Variants in CELF4 observed in about 807,000 individuals in gnomAD.
CELF4 encodes CUGBP Elav-like family member 4.
In CELF4, 18 loss-of-function variants were observed where a neutral mutation model predicts 59.9. The ratio of observed to expected loss-of-function variants is 0.30; its 90% CI spans 0.21 to 0.45. The LOEUF (loss-of-function observed/expected upper bound fraction) is 0.45, where lower values mean the gene tolerates loss of function less well. Among genes scored for constraint, CELF4 ranks in the 20% least tolerant of loss-of-function variants. The pLI, the probability that CELF4 is intolerant of heterozygous loss-of-function variation, is 1.00. For synonymous variants in CELF4, 261 were observed against 267.1 expected (o/e 0.98, Z 0.22); for missense variants, 456 against 689.0 (o/e 0.66, Z 3.79).
At chr18:37,264,175 C>T (rs1472174238) in intron 10 of CELF4, among the ~76,000 whole-genome samples, 1 of 152,250 alleles carries the variant, frequency 6.6e-6, no homozygotes, top group Non-Finnish European at 1.5e-5. Flanking sequence ...GCCTCTGTCT[C>T]CTCTGGAAGA....
intron 2 of CELF4, among the ~76,000 whole-genome samples, chr18:37,362,745 T>A (rs2098725466): frequency 6.6e-6 from 1 of 152,146 alleles, no homozygotes; most frequent in Non-Finnish European, 1.5e-5. Context: ...TTTCTCTCCC[T>A]CTCTTGCCAG....
intron 2 of CELF4, among the ~76,000 whole-genome samples, chr18:37,436,348 CT>C (rs1174890355): frequency 1.3e-5 from 2 of 152,242 alleles, no homozygotes; most frequent in African/African-American, 4.8e-5. Context: ...TTCCTGAGGG[CT>C]TCCTGCCCGG....
At chr18:37,531,512 A>G (rs1218040029) in intron 1 of CELF4, among the ~76,000 whole-genome samples, 1 of 152,204 alleles carries the variant, frequency 6.6e-6, no homozygotes, top group East Asian at 1.9e-4. Context: ...TGGTTGCCGC[A>G]TGCCGATCTG....
intron 3 of CELF4, among the ~76,000 whole-genome samples, chr18:37,285,108 G>T (rs570068759): frequency 6.6e-6 from 1 of 152,208 alleles, no homozygotes; most frequent in Non-Finnish European, 1.5e-5. Context: ...AGTGGGTGGG[G>T]CACCCATAGC....
chr18:37,392,184 G>A (rs1490018590), intron 2 of CELF4, among the ~76,000 whole-genome samples: 1 of 152,234 alleles, frequency 6.6e-6, no homozygotes, highest in East Asian at 1.9e-4. Context: ...GAACAAGCTA[G>A]TTCTGGGGAA....
chr18:37,529,639 C>A (rs2099967448), intron 1 of CELF4, among the ~76,000 whole-genome samples: 2 of 152,206 alleles, frequency 1.3e-5, no homozygotes, highest in Admixed American at 6.5e-5. Context: ...TTTGGATTTG[C>A]TTTGCAAGCA....
intron 2 of CELF4, among the ~76,000 whole-genome samples, chr18:37,400,319 T>C: frequency 1.1e-5 from 1 of 91,754 alleles, no homozygotes; most frequent in African/African-American, 3.9e-5. Context: ...TATGTGTGTA[T>C]ATATGTATAT....
chr18:37,308,682 G>A (rs1025461463), intron 3 of CELF4, among the ~76,000 whole-genome samples: 1 of 152,236 alleles, frequency 6.6e-6, no homozygotes, highest in South Asian at 2.1e-4. Context: ...GGCCATTTAT[G>A]TGCAGGCCTC....
At chr18:37,441,943 C>T (rs1039278393) in intron 2 of CELF4, among the ~76,000 whole-genome samples, 2 of 151,642 alleles carry the variant, frequency 1.3e-5, no homozygotes, top group Non-Finnish European at 2.9e-5. Context: ...CGCAAAGACC[C>T]TAGATGACAC....
At chr18:37,541,877 G>A (rs2099978097) in intron 1 of CELF4, among the ~76,000 whole-genome samples, 1 of 152,082 alleles carries the variant, frequency 6.6e-6, no homozygotes, top group South Asian at 2.1e-4. Context: ...CCCCAGTCAT[G>A]CCTCATCCAT....
intron 3 of CELF4, among the ~76,000 whole-genome samples, chr18:37,292,090 A>G (rs573909287): frequency 6.6e-6 from 1 of 152,228 alleles, no homozygotes; most frequent in South Asian, 2.1e-4. Flanking sequence ...ACCACGTGCA[A>G]TTACAGCAAG....
At chr18:37,313,575 G>T (rs2096752903) in intron 3 of CELF4, among the ~76,000 whole-genome samples, 1 of 152,184 alleles carries the variant, frequency 6.6e-6, no homozygotes, top group Non-Finnish European at 1.5e-5. Flanking sequence ...GTGGCTAGGG[G>T]TCTCCCCAGC....
At chr18:37,518,193 T>C (rs2099953055) in intron 1 of CELF4, among the ~76,000 whole-genome samples, 1 of 152,210 alleles carries the variant, frequency 6.6e-6, no homozygotes, top group Admixed American at 6.5e-5. Context: ...CCTCCCTGGC[T>C]TCTCACTGCT....
intron 2 of CELF4, among the ~76,000 whole-genome samples, chr18:37,427,960 G>A (rs971936629): frequency 3.9e-5 from 6 of 152,186 alleles, no homozygotes; most frequent in African/African-American, 9.7e-5. Context: ...AAGTGTCTAC[G>A]GTGTGTGTAT....
chr18:37,289,427 G>T (rs1336276340), intron 3 of CELF4, among the ~76,000 whole-genome samples: 1 of 152,198 alleles, frequency 6.6e-6, no homozygotes, highest in Non-Finnish European at 1.5e-5. Context: ...CCACCCACAA[G>T]TCTCCAGGGG....
At chr18:37,343,007 C>G (rs892221857) in intron 2 of CELF4, among the ~76,000 whole-genome samples, 1 of 152,094 alleles carries the variant, frequency 6.6e-6, no homozygotes, top group African/African-American at 2.4e-5. Flanking sequence ...AGGAGGAGAT[C>G]CTGGAAATGA....
intron 2 of CELF4, among the ~76,000 whole-genome samples, chr18:37,410,556 T>G (rs1306328130): frequency 1.3e-5 from 2 of 152,250 alleles, no homozygotes; most frequent in Non-Finnish European, 2.9e-5. Context: ...GCACACGCTG[T>G]GCCAGCCACC....
chr18:37,497,762 T>G (rs2099926885), intron 1 of CELF4, among the ~76,000 whole-genome samples: 1 of 152,200 alleles, frequency 6.6e-6, no homozygotes, highest in Non-Finnish European at 1.5e-5. Flanking sequence ...CAGGGCCTAT[T>G]GGTGGCACAA....
chr18:37,468,284 T>G (rs938046936), intron 2 of CELF4, among the ~76,000 whole-genome samples: 2 of 152,196 alleles, frequency 1.3e-5, no homozygotes, highest in Non-Finnish European at 2.9e-5. Context: ...TCAAGCAAAG[T>G]GCATTTCTGG....
Sources: gnomAD v4.1 joint callset for allele counts (sites outside exome capture counted in the v4.1 genomes callset) on GRCh38, gnomAD v4.1.1 for gene constraint, MANE v1.5 for transcripts, NCBI Gene and HGNC (gene_info 2026-07-23, HGNC 2026-07-21) for gene names.